The following MRTFA variants were observed in gnomAD, a reference collection of about 807,000 sequenced individuals.
MRTFA encodes the protein myocardin related transcription factor A, also known as myocardin-related transcription factor A.
A neutral mutation model predicts 83.5 loss-of-function variants in MRTFA; 20 were observed. The ratio of observed to expected loss-of-function variants is 0.24; its 90% CI spans 0.17 to 0.35. MRTFA has a LOEUF of 0.35. MRTFA is among the 10% of genes least tolerant of loss of function. The probability of loss-of-function intolerance (pLI) is 1.00; values close to 1 mark genes in which losing one functional copy is unlikely to be tolerated. For synonymous variants in MRTFA, 659 were observed against 541.2 expected (o/e 1.22, Z -3.02); for missense variants, 1,200 against 1,224.7 (o/e 0.98, Z 0.30).
chr22:40,519,823 ACT>A (rs1802823189), intron 3 of MRTFA, among the ~76,000 whole-genome samples: 1 of 152,164 alleles, frequency 6.6e-6, no homozygotes, highest in Admixed American at 6.5e-5. Flanking sequence ...CGGAAGTCAG[ACT>A]CTATGAGGTA....
intron 1 of MRTFA, among the ~76,000 whole-genome samples, chr22:40,626,886 C>CAT: frequency 6.6e-6 from 1 of 151,674 alleles, no homozygotes; most frequent in South Asian, 2.1e-4. Context: ...CACACACACA[C>CAT]ACACACACAC....
At chr22:40,592,869 T>C (rs752210872) in intron 2 of MRTFA, among the ~76,000 whole-genome samples, 1 of 152,174 alleles carries the variant, frequency 6.6e-6, no homozygotes, top group Non-Finnish European at 1.5e-5. Context: ...GGAATTTTCT[T>C]GGTATTTTTG....
At chr22:40,523,920 C>CA (rs2054915242) in intron 3 of MRTFA, among the ~76,000 whole-genome samples, 1 of 151,952 alleles carries the variant, frequency 6.6e-6, no homozygotes, top group South Asian at 2.1e-4. Flanking sequence ...ACTAAGAAAA[C>CA]AGTTCAAAAA....
At chr22:40,605,652 CAAG>C (rs1231400842) in intron 1 of MRTFA, among the ~76,000 whole-genome samples, 1 of 152,072 alleles carries the variant, frequency 6.6e-6, no homozygotes, top group African/African-American at 2.4e-5. Flanking sequence ...AATTTTTTAC[CAAG>C]AAGAATTTTA....
chr22:40,622,851 C>G (rs980603326), intron 1 of MRTFA, among the ~76,000 whole-genome samples: 1 of 152,140 alleles, frequency 6.6e-6, no homozygotes, highest in Non-Finnish European at 1.5e-5. Context: ...TCACAGGAAA[C>G]TAAACTAATA....
At chr22:40,459,830 C>A (rs4129752) in intron 4 of MRTFA, among the ~76,000 whole-genome samples, 3 of 86,944 alleles carry the variant, frequency 3.5e-5, no homozygotes, top group Admixed American at 1.3e-4. Context: ...CACATATATA[C>A]ATATATATAT....
At position 40,417,059 on chromosome 22, in the gene MRTFA, G is replaced by GT; in HGVS notation, c.2518-14_2518-13insA. 6.4e-7 allele frequency: 1 copy of GT among 1,565,166 alleles called. No homozygotes were observed. Among genetic ancestry groups the GT allele is most frequent in the Non-Finnish European group, 8.6e-7 (1 of 1,156,886 alleles). On this transcript the variant is annotated splice_polypyrimidine_tract_variant and intron_variant, in intron 13 of 14. Coordinates refer to ENST00000355630, the MANE Select transcript of MRTFA (RefSeq NM_020831.6). The stretch of plus-strand genomic sequence containing the variant: ...AGGAACCATTTTCCTGTGGGACAAA[G>GT]GAAAAAAAAAAAAGAGATAAAAATC...
At chr22:40,600,602 G>A (rs1047862779) in intron 1 of MRTFA, among the ~76,000 whole-genome samples, 5 of 152,174 alleles carry the variant, frequency 3.3e-5, no homozygotes, top group African/African-American at 1.2e-4. Flanking sequence ...TAGCCTGCTG[G>A]TCAACCCAGA....
At chr22:40,448,049 C>T (rs1030960780) in intron 4 of MRTFA, among the ~76,000 whole-genome samples, 16 of 152,172 alleles carry the variant, frequency 1.1e-4, no homozygotes, top group African/African-American at 3.4e-4. Context: ...TGGTGGCTCA[C>T]GCCTGTAATC....
chr22:40,621,957 G>C (rs1383912162), intron 1 of MRTFA, among the ~76,000 whole-genome samples: 1 of 152,160 alleles, frequency 6.6e-6, no homozygotes, highest in African/African-American at 2.4e-5. Flanking sequence ...TTAAACTTCA[G>C]AGTTGGTGAC....
chr22:40,461,551 G>A (rs1423269672), intron 4 of MRTFA, among the ~76,000 whole-genome samples: 1 of 150,450 alleles, frequency 6.6e-6, no homozygotes, highest in Non-Finnish European at 1.5e-5. Flanking sequence ...TTGGGAGGCT[G>A]AGGCAGGAGG....
At chr22:40,525,983 G>T (rs1465140819) in intron 3 of MRTFA, among the ~76,000 whole-genome samples, 3 of 151,824 alleles carry the variant, frequency 2.0e-5, no homozygotes, top group Non-Finnish European at 4.4e-5. Context: ...TACAAAATAG[G>T]ATGGTCAGGG....
At chr22:40,569,265 G>A in intron 2 of MRTFA, 1 of 180,444 alleles carries the variant, frequency 5.5e-6, no homozygotes, top group East Asian at 1.5e-4. Flanking sequence ...GCAGAGAGTA[G>A]CCATTGAGCT....
chr22:40,414,160 G>C (rs1285610419), intron 14 of MRTFA, among the ~76,000 whole-genome samples: 1 of 152,204 alleles, frequency 6.6e-6, no homozygotes, highest in African/African-American at 2.4e-5. Context: ...GCAACACAGT[G>C]AAACCCCGTC....
At chr22:40,439,741 C>T (rs1043021931) in intron 4 of MRTFA, among the ~76,000 whole-genome samples, 9 of 152,086 alleles carry the variant, frequency 5.9e-5, no homozygotes, top group East Asian at 1.9e-4. Context: ...TGAGAATCAT[C>T]GTTCAAAACC....
intron 3 of MRTFA, among the ~76,000 whole-genome samples, chr22:40,508,589 T>C (rs985619565): frequency 1.3e-5 from 2 of 151,704 alleles, no homozygotes; most frequent in South Asian, 4.2e-4. Flanking sequence ...ATGTATTCTG[T>C]TCATACTGAA....
At chr22:40,587,768 C>T in intron 2 of MRTFA, 1 of 335,468 alleles carries the variant, frequency 3.0e-6, no homozygotes, top group Non-Finnish European at 5.9e-6. Context: ...ACCTCAAACT[C>T]TGGGAATTTG....
intron 3 of MRTFA, among the ~76,000 whole-genome samples, chr22:40,492,669 T>C (rs1781782904): frequency 6.6e-6 from 1 of 152,156 alleles, no homozygotes; most frequent in South Asian, 2.1e-4. Context: ...CAAGGAGCTA[T>C]AACACAACAT....
At chr22:40,429,518 G>A (rs1388990319) in intron 7 of MRTFA, 88 bp downstream of exon 7, 1 of 1,492,194 alleles carries the variant, frequency 6.7e-7, no homozygotes, top group African/African-American at 1.4e-5. Flanking sequence ...GAAGTCAAGA[G>A]CCTCAGCCCA....
Sources: gnomAD v4.1 joint callset for allele counts (sites outside exome capture counted in the v4.1 genomes callset) on GRCh38, gnomAD v4.1.1 for gene constraint, MANE v1.5 for transcripts, NCBI Gene and HGNC (gene_info 2026-07-23, HGNC 2026-07-21) for gene names.